Variants in TOLLIP observed in about 807,000 individuals in gnomAD.
TOLLIP encodes toll-interacting protein.
In TOLLIP, 16 loss-of-function variants were observed where a neutral mutation model predicts 33.5. The observed-to-expected ratio is 0.48, with a 90% CI of 0.32 to 0.72. TOLLIP has a LOEUF of 0.72. Among genes scored for constraint, TOLLIP ranks in the 30% least tolerant of loss-of-function variants. The pLI is 0.03. For synonymous variants in TOLLIP, 176 were observed against 163.7 expected (o/e 1.07, Z -0.57); for missense variants, 325 against 396.6 (o/e 0.82, Z 1.53).
At chr11:1,285,705 C>A (rs572176578) in intron 5 of TOLLIP, among the ~76,000 whole-genome samples, 2 of 150,610 alleles carry the variant, frequency 1.3e-5, no homozygotes, top group South Asian at 4.3e-4. Context: ...CTGGGCACAA[C>A]GGGGTTTCAA....
At chr11:1,281,137 T>C (rs543601149) in intron 5 of TOLLIP, among the ~76,000 whole-genome samples, 54 of 152,344 alleles carry the variant, frequency 3.5e-4, no homozygotes, top group African/African-American at 1.2e-3. Flanking sequence ...CACGAATTAT[T>C]TGAAATCTGT....
In TOLLIP at chr11:1,278,378, G is replaced by A. The variant is rs977112856; in HGVS notation, c.611-1125C>T. 5.3e-5 allele frequency among the ~76,000 whole-genome samples: 8 copies of A among 152,254 alleles called. No homozygotes were observed. Among genetic ancestry groups the A allele is most frequent in the Admixed American group, 4.6e-4 (7 of 15,294 alleles). On this transcript the variant is annotated intron_variant, in intron 5 of 5. Transcript: ENST00000317204. The surrounding 1 kb of genome is among the most constrained non-coding windows in gnomAD (Gnocchi z 4.7). Reference sequence around the variant, plus strand: ...CTGGAGCGCTAGAGCCCCAATCTTAGGATAGGACTTTTGTTCCTTTCTACA... The same window carrying A: ...CTGGAGCGCTAGAGCCCCAATCTTAAGATAGGACTTTTGTTCCTTTCTACA...
rs1258267321 is a variant in TOLLIP, at chr11:1,290,705, G to A, written c.184-296C>T. On this transcript the variant is annotated intron_variant, in intron 2 of 5. Coordinates refer to ENST00000317204, the MANE Select transcript of TOLLIP (RefSeq NM_019009.4). This position sits in a 1 kb window ranked among gnomAD's most constrained non-coding sequence, Gnocchi z 4.9. ...GGCCGCCACTCACCCACCATGAAGG[G>A]CGCACTCTCTAATGCCCTCCTCAGA... is the stretch of plus-strand genomic sequence containing the variant. Among the ~76,000 whole-genome samples the A allele has an allele frequency of 1.3e-5, 2 of 152,136 alleles. No individual in the cohort carries two copies. The highest frequency in any genetic ancestry group is 4.8e-5 in the African/African-American group (2 of 41,416).
intron 1 of TOLLIP, among the ~76,000 whole-genome samples, chr11:1,300,323 C>A (rs1864232189): frequency 6.6e-6 from 1 of 152,216 alleles, no homozygotes; most frequent in Non-Finnish European, 1.5e-5. Flanking sequence ...TGACTGACGA[C>A]CATTCCTCCC....
chr11:1,289,510 G>A (rs751360385), intron 3 of TOLLIP, among the ~76,000 whole-genome samples: 29 of 152,352 alleles, frequency 1.9e-4, no homozygotes, highest in Middle Eastern at 3.4e-3. Flanking sequence ...CAAGGGTCAC[G>A]ACCATTCGCA....
rs1381829726 is a variant in TOLLIP at position 1,275,632 on chromosome 11, C to G, written c.*1407G>C. The G allele has an allele frequency of 6.6e-6, 1 of 152,226 alleles. No homozygotes were observed. Among genetic ancestry groups the G allele is most frequent in the East Asian group, 1.9e-4 (1 of 5,192 alleles). 9.4% of individuals were successfully genotyped at this position (152,226 alleles called of 1,614,324 possible). A position where few individuals can be genotyped will look rare whatever the true frequency, so the allele number is the denominator to read the frequency against. ...ATGTCCCTCCCCCACGGCCACCACA[C>G]ACTTCAAGTTTACAAAAATAAATAT... On this transcript the variant is annotated 3_prime_UTR_variant, in exon 6 of 6. Coordinates refer to ENST00000317204, the MANE Select transcript of TOLLIP (RefSeq NM_019009.4).
At chr11:1,280,570 G>T (rs1434105469) in intron 5 of TOLLIP, among the ~76,000 whole-genome samples, 1 of 152,068 alleles carries the variant, frequency 6.6e-6, no homozygotes, top group Non-Finnish European at 1.5e-5. Flanking sequence ...GTGCACGAGG[G>T]AACAGATGGA....
At chr11:1,288,886 G>C (rs981097594) in intron 3 of TOLLIP, 110 bp from the exon 4 acceptor site, 2 of 1,260,254 alleles carry the variant, frequency 1.6e-6, no homozygotes, top group Non-Finnish European at 2.2e-6. Flanking sequence ...CTGTGGAACA[G>C]GGCTCCCACC....
chr11:1,297,662 C>T (rs1233259771), intron 1 of TOLLIP, among the ~76,000 whole-genome samples: 1 of 152,276 alleles, frequency 6.6e-6, no homozygotes, highest in African/African-American at 2.4e-5. Flanking sequence ...ACAAGCAGAG[C>T]ACCCCGGCTT....
At chr11:1,285,145 A>C (rs945313175) in intron 5 of TOLLIP, among the ~76,000 whole-genome samples, 1 of 151,952 alleles carries the variant, frequency 6.6e-6, no homozygotes, top group Non-Finnish European at 1.5e-5. Flanking sequence ...CCCTCCCCTA[A>C]CACCACCTCC....
At chr11:1,284,504 G>A (rs1243677328) in intron 5 of TOLLIP, among the ~76,000 whole-genome samples, 1 of 152,138 alleles carries the variant, frequency 6.6e-6, no homozygotes, top group African/African-American at 2.4e-5. Context: ...GCCCACCACC[G>A]CGCCCGGCTA....
intron 4 of TOLLIP, among the ~76,000 whole-genome samples, chr11:1,288,025 G>A (rs1457282953): frequency 6.6e-6 from 1 of 152,114 alleles, no homozygotes. Flanking sequence ...CTGCGTCTTG[G>A]AGCCTCTAAC....
rs1431431767 is a variant in TOLLIP, at chr11:1,277,828, C to T, written c.611-575G>A. On this transcript the variant is annotated intron_variant, in intron 5 of 5. Transcript: ENST00000317204. The surrounding 1 kb of genome is among the most constrained non-coding windows in gnomAD (Gnocchi z 4.2). ...ACAGGCACTGAAGACCTCAGCAAAG[C>T]TGCAGCCGATGCCCAGAATGACAAC... 2.0e-5 allele frequency among the ~76,000 whole-genome samples: 3 copies of T among 152,210 alleles called. No homozygotes were observed. The highest frequency in any genetic ancestry group is 7.2e-5 in the African/African-American group (3 of 41,456).
In TOLLIP at chr11:1,276,841, C is replaced by T; in HGVS notation, c.*198G>A. 1 of 1,532,500 alleles carries T rather than the reference C, an allele frequency of 6.5e-7. No individual in the cohort carries two copies. The highest frequency in any genetic ancestry group is 1.4e-5 in the African/African-American group (1 of 73,122). 94.9% of individuals were successfully genotyped at this position (1,532,500 alleles called of 1,614,324 possible). On this transcript the variant is annotated 3_prime_UTR_variant, in exon 6 of 6. Coordinates refer to ENST00000317204, the MANE Select transcript of TOLLIP (RefSeq NM_019009.4). ...CCCAGCACGAGATGGGAGGGGAGCC[C>T]CCGCCCCGTCCTGGACCGCCAGGAA...
intron 5 of TOLLIP, among the ~76,000 whole-genome samples, chr11:1,284,296 G>GAAGCATT (rs1466839763): frequency 6.6e-6 from 1 of 151,826 alleles, no homozygotes; most frequent in Non-Finnish European, 1.5e-5. Flanking sequence ...CACCTCCTAG[G>GAAGCATT]AAGCATTCTT....
intron 1 of TOLLIP, among the ~76,000 whole-genome samples, chr11:1,304,258 G>T (rs1364475409): frequency 6.6e-6 from 1 of 151,118 alleles, no homozygotes; most frequent in Non-Finnish European, 1.5e-5. Flanking sequence ...TGTCCACCTG[G>T]AGTACCGCCC....
chr11:1,290,562 G>T lies in TOLLIP; in HGVS notation c.184-153C>A, dbSNP rs1863901582. ...AGTCGCCTGAACACGGCTGTGACCT[G>T]CTTCCCAGGAGGCCAGGAGCAAGAA... On this transcript the variant is annotated intron_variant, in intron 2 of 5. Transcript: ENST00000317204. The surrounding 1 kb of genome is among the most constrained non-coding windows in gnomAD (Gnocchi z 4.9). Among the ~76,000 whole-genome samples the T allele has an allele frequency of 6.6e-6, 1 of 152,172 alleles. No homozygotes were observed. Among genetic ancestry groups the T allele is most frequent in the Non-Finnish European group, 1.5e-5 (1 of 68,036 alleles).
At chr11:1,301,888 C>T (rs1444591117) in intron 1 of TOLLIP, among the ~76,000 whole-genome samples, 1 of 152,206 alleles carries the variant, frequency 6.6e-6, no homozygotes, top group Non-Finnish European at 1.5e-5. Flanking sequence ...GGGATATGGG[C>T]GGAAGTCAGT....
In TOLLIP at chr11:1,288,611, G is replaced by A. The variant is rs376190069; in HGVS notation, c.519+13C>T. The A allele has an allele frequency of 1.5e-5, 24 of 1,605,472 alleles. No individual in the cohort carries two copies. Among genetic ancestry groups the A allele is most frequent in the Non-Finnish European group, 1.7e-5 (20 of 1,175,610 alleles). ...CCCCAATGCGCCCCACCCCGCCCAG[G>A]CGTGCAGCTCACCGCGTAGGACATG... On this transcript the variant is annotated intron_variant, in intron 4 of 5. Coordinates refer to ENST00000317204, the MANE Select transcript of TOLLIP (RefSeq NM_019009.4).
Sources: gnomAD v4.1 joint callset for allele counts (sites outside exome capture counted in the v4.1 genomes callset) on GRCh38, gnomAD v4.1.1 for gene constraint, Gnocchi (gnomAD v3.1) non-coding constraint, MANE v1.5 for transcripts, NCBI Gene and HGNC (gene_info 2026-07-23, HGNC 2026-07-21) for gene names.